Variants in SLC28A2 observed in about 807,000 individuals in gnomAD.
SLC28A2 encodes solute carrier family 28 member 2.
A neutral mutation model predicts 72.9 loss-of-function variants in SLC28A2; 69 were observed. The observed-to-expected ratio is 0.95, with a 90% confidence interval of 0.78 to 1.16. The LOEUF is 1.16. Ranked by LOEUF, SLC28A2 falls within the 50% of genes most tolerant of loss-of-function variation. SLC28A2 has a pLI of 0.00. For synonymous variants in SLC28A2, 296 were observed against 294.1 expected (o/e 1.01, Z -0.07); for missense variants, 745 against 791.1 (o/e 0.94, Z 0.70).
rs1567058530 is a variant in SLC28A2 at position 45,263,181 on chromosome 15, GC to G, written c.384del (p.Lys130AsnfsTer2). On this transcript the variant is annotated frameshift_variant, in exon 5 of 18. Transcript: ENST00000347644. LOFTEE classifies it high-confidence loss of function. ...CACTCGTTTTTGAAAAAGCTCCTGG[GC>G]AAAAAATTAACAAGATGTCTGAAGC... ...LVHSFLKKLLGKKLTRCLKPF... is the reference protein window; with the variant it reads ...LVHSFLKKLLXKKLTRCLKPF... 1 of 1,613,982 alleles carries G rather than the reference GC, an allele frequency of 6.2e-7. No homozygotes were observed. Among genetic ancestry groups the G allele is most frequent in the Non-Finnish European group, 8.5e-7 (1 of 1,179,960 alleles).
intron 17 of SLC28A2, among the ~76,000 whole-genome samples, chr15:45,274,966 G>A (rs1900704568): frequency 1.3e-5 from 2 of 151,938 alleles, no homozygotes; most frequent in South Asian, 4.1e-4. Flanking sequence ...GCATTTTGGT[G>A]GATTTTCTAA....
chr15:45,271,975 G>A (rs565237738), intron 15 of SLC28A2: 6 of 255,034 alleles, frequency 2.4e-5, no homozygotes, highest in Non-Finnish European at 3.0e-5. Flanking sequence ...AGCAGTGAAC[G>A]CCAGGCATTT....
intron 11 of SLC28A2, 29 bp downstream of exon 11, chr15:45,267,609 G>A: frequency 6.2e-7 from 1 of 1,614,014 alleles, no homozygotes; most frequent in Non-Finnish European, 8.5e-7. Context: ...ATCACTCCTG[G>A]GTGAACTCGA....
At position 45,253,441 on chromosome 15, in the gene SLC28A2, G is replaced by A. The variant is rs1198186016; in HGVS notation, c.91G>A (p.Val31Ile). Residue 31 changes from valine (V) to isoleucine (I), a missense_variant, in exon 3 of 18, where the codon GTA becomes ATA. Val to Ile is a conservative substitution (Grantham distance 29). Transcript: ENST00000347644. ...CTCTCTGTGCTTGTAGGAAAAAGAA[G>A]TAGAGCCTGAGGGAAGCAAGAGGAC... is the stretch of plus-strand genomic sequence containing the variant. ...NPGLELMEKE[V>I]EPEGSKRTDA... 1.2e-6 allele frequency: 2 copies of A among 1,613,440 alleles called. No individual in the cohort carries two copies. The highest frequency in any genetic ancestry group is 1.7e-6 in the Non-Finnish European group (2 of 1,179,496).
intron 3 of SLC28A2, among the ~76,000 whole-genome samples, chr15:45,254,237 A>AAG (rs36077721): frequency 0.47 from 70,855 of 151,910 alleles, 20,029 homozygotes; most frequent in Non-Finnish European, 0.65. Context: ...AAAAGCTGAG[A>AAG]AGAGGACATT....
Position 45,265,126 on chromosome 15 carries a change from T to G in SLC28A2, c.740T>G (p.Val247Gly). 1 of 1,613,168 alleles carries G rather than the reference T, an allele frequency of 6.2e-7. No individual in the cohort carries two copies. The highest frequency in any genetic ancestry group is 8.5e-7 in the Non-Finnish European group (1 of 1,179,136). Residue 247 changes from valine (V) to glycine (G), a missense_variant, in exon 8 of 18, where the codon GTC (valine) becomes GGC (glycine). Coordinates refer to ENST00000347644, the MANE Select transcript of SLC28A2 (RefSeq NM_004212.4). ...LNYTVAGSSF[V>G]FGDTLVKDVF... Reference sequence around the variant, plus strand: ...TACACTGTGGCCGGCTCCAGTTTTGTCTTTGGGGATACACTGGTCAAGGAT... The same window carrying G: ...TACACTGTGGCCGGCTCCAGTTTTGGCTTTGGGGATACACTGGTCAAGGAT...
At chr15:45,268,526 G>A (rs938455975) in intron 13 of SLC28A2, 148 bp downstream of exon 13, 6 of 639,548 alleles carry the variant, frequency 9.4e-6, no homozygotes, top group Non-Finnish European at 1.6e-5. Context: ...AACAGGTGCT[G>A]GAGAGGATGT....
Position 45,264,898 on chromosome 15 carries a change from AGT to A in SLC28A2, c.702+133_702+134del, listed in dbSNP as rs2140570033. The A allele has an allele frequency of 1.1e-5, 8 of 737,836 alleles. No homozygotes were observed. In the Admixed American group the frequency reaches 1.6e-4, roughly 14 times the overall value. 45.7% of individuals were successfully genotyped at this position (737,836 alleles called of 1,614,324 possible). On this transcript the variant is annotated intron_variant, in intron 7 of 17. Transcript: ENST00000347644. ...GGAAGATCTGGTTGGGAAAGGAGAG[AGT>A]GTACTAGGATACAGCTAAGAATATG...
rs778948337 is a variant in SLC28A2, at chr15:45,267,476, C to T, written c.964C>T (p.Arg322Cys). The T allele has an allele frequency of 3.3e-5, 54 of 1,613,972 alleles. No individual in the cohort carries two copies. In the Admixed American group the frequency reaches 3.5e-4, roughly 10 times the overall value. ...GTAGACAGAGGCACCTCTGCTCATC[C>T]GTCCCTACCTTGGGGACATGACACT... ...VGMTEAPLLI[R>C]PYLGDMTLSE... Residue 322 changes from arginine to cysteine, a missense_variant, in exon 11 of 18, where the codon CGT becomes TGT. By Grantham distance (180) the Arg-to-Cys change is radical (BLOSUM62 -3). Transcript: ENST00000347644.
chr15:45,256,663 C>G (rs1899989342), intron 3 of SLC28A2, among the ~76,000 whole-genome samples: 1 of 152,144 alleles, frequency 6.6e-6, no homozygotes, highest in African/African-American at 2.4e-5. Flanking sequence ...CCCACCTCAG[C>G]CTCCCAAAGT....
chr15:45,266,328 G>C (rs1207147026), intron 10 of SLC28A2, among the ~76,000 whole-genome samples, 167 bp downstream of exon 10: 2 of 152,174 alleles, frequency 1.3e-5, no homozygotes, highest in Non-Finnish European at 2.9e-5. Flanking sequence ...TGCTCATTGC[G>C]TTCACCCTTT....
At chr15:45,268,443 T>A in intron 13 of SLC28A2, 65 bp downstream of exon 13, 2 of 1,379,494 alleles carry the variant, frequency 1.4e-6, no homozygotes, top group Non-Finnish European at 2.0e-6. Context: ...CAAACATGCA[T>A]GTCCAAATCA....
intron 17 of SLC28A2, 140 bp downstream of exon 17, chr15:45,272,924 G>A (rs566108101): frequency 1.7e-6 from 1 of 578,038 alleles, no homozygotes; most frequent in Non-Finnish European, 3.1e-6. Flanking sequence ...CTTATTGGGT[G>A]CATCTTCATT....
chr15:45,272,305 A>C lies in SLC28A2; in HGVS notation c.1659A>C (p.Val553=). The C allele has an allele frequency of 1.2e-6, 2 of 1,613,508 alleles. No homozygotes were observed. Among genetic ancestry groups the C allele is most frequent in the Non-Finnish European group, 1.7e-6 (2 of 1,179,902 alleles). Residue 553 remains valine, a synonymous_variant, in exon 16 of 18, where the codon GTA becomes GTC. Coordinates refer to ENST00000347644, the MANE Select transcript of SLC28A2 (RefSeq NM_004212.4). Reference sequence around the variant, plus strand: ...TTTTATTGTCTGCAGCATCAATAGTACCTCACCGGAAGAGTGACTTGTCCA... The same window carrying C: ...TTTTATTGTCTGCAGCATCAATAGTCCCTCACCGGAAGAGTGACTTGTCCA... The part of the protein sequence containing the change: ...GITLGGLTSI[V]PHRKSDLSKV...
At position 45,271,267 on chromosome 15, in the gene SLC28A2, G is replaced by C. The variant is rs188307471; in HGVS notation, c.1648+991G>C. Among the ~76,000 whole-genome samples, 80 of 152,290 alleles carry C rather than the reference G, an allele frequency of 5.3e-4. 1 individual carries two copies. The highest frequency in any genetic ancestry group is 2.4e-3 in the Admixed American group (36 of 15,292). On this transcript the variant is annotated intron_variant, in intron 15 of 17. Coordinates refer to ENST00000347644, the MANE Select transcript of SLC28A2 (RefSeq NM_004212.4). Reference sequence around the variant, plus strand: ...CAGATCCCAAGTTTGGAAGATCCAAGTTAGAAATGGATCTTAGGCTGGATG... The same window carrying C: ...CAGATCCCAAGTTTGGAAGATCCAACTTAGAAATGGATCTTAGGCTGGATG...
rs1900476883 is a variant in SLC28A2 at position 45,269,542 on chromosome 15, G to A, written c.1566+7G>A. 1.2e-6 allele frequency: 2 copies of A among 1,611,198 alleles called. No homozygotes were observed. Among genetic ancestry groups the A allele is most frequent in the Middle Eastern group, 1.7e-4 (1 of 6,050 alleles). ...AGAGAAACAGTGGATTTCTGTAAGTGACAATCCAAAAAGCATAAACACCGT... is the reference window on the plus strand; with the variant it reads ...AGAGAAACAGTGGATTTCTGTAAGTAACAATCCAAAAAGCATAAACACCGT... On this transcript the variant is annotated splice_region_variant and intron_variant, in intron 14 of 17. Transcript: ENST00000347644.
At chr15:45,264,560 T>C in intron 6 of SLC28A2, 95 bp from the exon 7 acceptor site, 1 of 790,784 alleles carries the variant, frequency 1.3e-6, no homozygotes. Flanking sequence ...CTGTTAATAT[T>C]CTAGGTTGGT....
chr15:45,254,965 T>C (rs949308415), intron 3 of SLC28A2, among the ~76,000 whole-genome samples: 1 of 152,134 alleles, frequency 6.6e-6, no homozygotes, highest in Non-Finnish European at 1.5e-5. Context: ...TGTTTAAGAA[T>C]TGACTCTCCA....
intron 10 of SLC28A2, among the ~76,000 whole-genome samples, chr15:45,266,878 C>T (rs1900354193): frequency 6.6e-6 from 1 of 152,182 alleles, no homozygotes; most frequent in South Asian, 2.1e-4. Flanking sequence ...ATGTCCTTAG[C>T]ATCTAGTGCA....
Sources: gnomAD v4.1 joint callset for allele counts (sites outside exome capture counted in the v4.1 genomes callset) on GRCh38, gnomAD v4.1.1 for gene constraint, MANE v1.5 for transcripts, NCBI Gene and HGNC (gene_info 2026-07-23, HGNC 2026-07-21) for gene names.